The following RASSF4 variants were observed in gnomAD, a reference collection of about 807,000 sequenced individuals.
RASSF4 encodes Ras association domain family member 4, also known as ras association domain-containing protein 4.
In RASSF4, 38 loss-of-function variants were observed where a neutral mutation model predicts 41.1. The observed-to-expected ratio is 0.92, with a 90% CI of 0.71 to 1.21. RASSF4 has a LOEUF of 1.21. Among genes scored for constraint, RASSF4 ranks in the 50% most tolerant of loss-of-function variants. The pLI is 0.00. For synonymous variants in RASSF4, 179 were observed against 163.4 expected (o/e 1.10, Z -0.73); for missense variants, 414 against 419.4 (o/e 0.99, Z 0.11).
Position 44,969,000 on chromosome 10 carries a change from ATG to A in RASSF4, c.-38-1150_-38-1149del, listed in dbSNP as rs149854763. On this transcript the variant is annotated intron_variant, in intron 1 of 10. Transcript: ENST00000340258. ...TCTGTGAGATTGTGAGTGTTTGTGT[ATG>A]TGTGTGTGTGTGTGCATGTGAGCAT... Among the ~76,000 whole-genome samples, 1,210 of 149,050 alleles carry A rather than the reference ATG, an allele frequency of 8.1e-3. 8 individuals are homozygous for A. The highest frequency in any genetic ancestry group is 0.013 in the Non-Finnish European group (865 of 66,948).
In RASSF4 at chr10:44,984,901, C is replaced by T. The variant is rs775174751; in HGVS notation, c.462C>T (p.Arg154=). ...SCMSQRRPKC[R]APGEAQRIRR... ...TGAGCCAGAGGAGGCCCAAGTGCCG[C>T]GCCCCCGGTGAGGCCCAGCGCATCC... The change falls in exon 6 of 11, where the codon CGC becomes CGT. Residue 154 remains arginine, a synonymous_variant. Transcript: ENST00000340258. 16 of 1,613,408 alleles carry T rather than the reference C, an allele frequency of 9.9e-6. No homozygotes were observed. The highest frequency in any genetic ancestry group is 2.2e-5 in the South Asian group (2 of 91,086).
chr10:44,981,923 AATT>A (rs1841722872), intron 3 of RASSF4: 1 of 152,820 alleles, frequency 6.5e-6, no homozygotes, highest in East Asian at 1.9e-4. Flanking sequence ...CTGTTGTAGA[AATT>A]CTGGTATGGG....
At chr10:44,976,610 G>A (rs1841437851) in intron 3 of RASSF4, 2 of 152,400 alleles carry the variant, frequency 1.3e-5, no homozygotes, top group Admixed American at 6.5e-5. Flanking sequence ...TGGGCCTTAG[G>A]ACATCTTGAC....
intron 4 of RASSF4, chr10:44,983,666 G>A (rs536863879): frequency 2.8e-4 from 72 of 254,932 alleles, no homozygotes; most frequent in African/African-American, 1.4e-3. Context: ...CTAGGCCTTC[G>A]GGAAGCCCAG....
intron 6 of RASSF4, among the ~76,000 whole-genome samples, chr10:44,985,218 G>A (rs904936158): frequency 1.3e-5 from 2 of 152,252 alleles, no homozygotes; most frequent in African/African-American, 4.8e-5. Flanking sequence ...TGGGCAGACA[G>A]TAACGCTGAC....
intron 4 of RASSF4, 101 bp downstream of exon 4, chr10:44,982,764 T>A (rs1841770389): frequency 1.5e-6 from 2 of 1,321,228 alleles, no homozygotes; most frequent in Admixed American, 4.6e-5. Flanking sequence ...TATGGGACAC[T>A]GGCACAGGAG....
intron 3 of RASSF4, chr10:44,977,244 C>CG: frequency 1.0e-6 from 1 of 961,410 alleles, no homozygotes. Flanking sequence ...CAGAGGGGGT[C>CG]GGTCTCACTG....
chr10:44,984,202 C>A, intron 5 of RASSF4, 89 bp downstream of exon 5: 1 of 1,294,776 alleles, frequency 7.7e-7, no homozygotes. Flanking sequence ...CTCCGAAGGA[C>A]AGCTTTGTGC....
At chr10:44,975,808 G>C in intron 3 of RASSF4, among the ~76,000 whole-genome samples, 1 of 151,534 alleles carries the variant, frequency 6.6e-6, no homozygotes, top group East Asian at 2.0e-4. Context: ...TAGTGAGGAA[G>C]CCCGGGGATG....
At chr10:44,985,634 T>C (rs1340262239) in intron 6 of RASSF4, among the ~76,000 whole-genome samples, 1 of 152,170 alleles carries the variant, frequency 6.6e-6, no homozygotes, top group East Asian at 1.9e-4. Context: ...GCTGCCCTTC[T>C]TGATAGAGGA....
chr10:44,973,745 C>G (rs1383459960), intron 3 of RASSF4, among the ~76,000 whole-genome samples: 2 of 152,158 alleles, frequency 1.3e-5, no homozygotes, highest in Admixed American at 1.3e-4. Flanking sequence ...GGGGCAGGGG[C>G]GCGGGAGCGG....
intron 3 of RASSF4, among the ~76,000 whole-genome samples, chr10:44,979,023 G>T (rs1044723717): frequency 6.6e-6 from 1 of 152,164 alleles, no homozygotes; most frequent in African/African-American, 2.4e-5. Flanking sequence ...GTTCACTGCT[G>T]GTCAAGTAGG....
At chr10:44,985,277 TTGGTTGATCCC>T (rs1316220288) in intron 6 of RASSF4, among the ~76,000 whole-genome samples, 2 of 152,122 alleles carry the variant, frequency 1.3e-5, no homozygotes, top group Admixed American at 1.3e-4. Context: ...CCGAACTCGA[TTGGTTGATCCC>T]TGGGAACACT....
In RASSF4 at chr10:44,991,077, G is replaced by A; in HGVS notation, c.807+8G>A. 1 of 1,610,558 alleles carries A rather than the reference G, an allele frequency of 6.2e-7. No individual in the cohort carries two copies. Among genetic ancestry groups the A allele is most frequent in the Non-Finnish European group, 8.5e-7 (1 of 1,177,836 alleles). ...GTGGAAGTCCCCCATGAAGTGAGTGGGGGCCAAGGCTGGGGAGGCCTGCTC... is the reference window on the plus strand; with the variant it reads ...GTGGAAGTCCCCCATGAAGTGAGTGAGGGCCAAGGCTGGGGAGGCCTGCTC... On this transcript the variant is annotated splice_region_variant and intron_variant, in intron 9 of 10. Coordinates refer to ENST00000340258, the MANE Select transcript of RASSF4 (RefSeq NM_032023.4).
At chr10:44,971,215 C>T (rs1224370940) in intron 2 of RASSF4, 34 of 327,006 alleles carry the variant, frequency 1.0e-4, no homozygotes, top group South Asian at 7.0e-4. Context: ...GCTTTCCCTT[C>T]GGGAAGGGAG....
intron 1 of RASSF4, among the ~76,000 whole-genome samples, chr10:44,969,018 A>G (rs922135029): frequency 6.7e-6 from 1 of 150,082 alleles, no homozygotes. Context: ...GTGTGTGTGC[A>G]TGTGAGCATG....
chr10:44,988,723 G>C (rs1405098151), intron 6 of RASSF4, among the ~76,000 whole-genome samples: 1 of 152,246 alleles, frequency 6.6e-6, no homozygotes, highest in Non-Finnish European at 1.5e-5. Flanking sequence ...AGCCGAGACT[G>C]TATGGATGCA....
At chr10:44,968,822 A>G (rs1031557384) in intron 1 of RASSF4, among the ~76,000 whole-genome samples, 1 of 152,192 alleles carries the variant, frequency 6.6e-6, no homozygotes, top group African/African-American at 2.4e-5. Context: ...GGAGTTGTGA[A>G]TGAGCAGAGC....
At chr10:44,961,373 C>T (rs530119726) in intron 1 of RASSF4, among the ~76,000 whole-genome samples, 68 of 152,342 alleles carry the variant, frequency 4.5e-4, no homozygotes, top group African/African-American at 1.6e-3. Context: ...TAACAAAGAA[C>T]ATGAACGAAA....
Sources: allele counts gnomAD v4.1 joint callset (sites outside exome capture counted in the v4.1 genomes callset), GRCh38; gene constraint gnomAD v4.1.1; transcripts MANE v1.5; gene names NCBI Gene and HGNC (gene_info 2026-07-23, HGNC 2026-07-21).